Variants in PTK2B observed in about 807,000 individuals in gnomAD.
The protein encoded by PTK2B is protein-tyrosine kinase 2-beta.
A neutral mutation model predicts 142.9 loss-of-function variants in PTK2B; 71 were observed. The ratio of observed to expected loss-of-function variants is 0.50; its 90% confidence interval spans 0.41 to 0.61. The LOEUF is 0.61. PTK2B is among the 20% of genes least tolerant of loss of function. The probability of loss-of-function intolerance (pLI) is 0.00; values close to 1 mark genes in which losing one functional copy is unlikely to be tolerated. For synonymous variants in PTK2B, 519 were observed against 503.4 expected (o/e 1.03, Z -0.42); for missense variants, 1,105 against 1,320.4 (o/e 0.84, Z 2.53).
chr8:27,402,995 G>C (rs191165580), intron 2 of PTK2B, among the ~76,000 whole-genome samples: 1 of 152,340 alleles, frequency 6.6e-6, no homozygotes, highest in Non-Finnish European at 1.5e-5. Flanking sequence ...GCTGTGTAGT[G>C]CCTGTGTGGG....
At chr8:27,393,304 T>C (rs919495) in intron 1 of PTK2B, among the ~76,000 whole-genome samples, 58,722 of 152,112 alleles carry the variant, frequency 0.39, 11,829 homozygotes, top group Middle Eastern at 0.5. Context: ...CCACAGCAGA[T>C]GTTTCTGCTG....
intron 1 of PTK2B, among the ~76,000 whole-genome samples, chr8:27,335,184 G>T (rs559295509): frequency 1.3e-5 from 2 of 152,284 alleles, no homozygotes; most frequent in South Asian, 4.1e-4. Context: ...GAGCTTTCTG[G>T]CCCTGGGAAG....
intron 3 of PTK2B, among the ~76,000 whole-genome samples, chr8:27,316,402 G>T (rs2130516212): frequency 6.6e-6 from 1 of 152,086 alleles, no homozygotes; most frequent in South Asian, 2.1e-4. Flanking sequence ...TGGCTATAAG[G>T]AACTTAACTT....
At chr8:27,409,542 G>A (rs562460806) in intron 2 of PTK2B, among the ~76,000 whole-genome samples, 3 of 152,138 alleles carry the variant, frequency 2.0e-5, no homozygotes, top group East Asian at 3.9e-4. Flanking sequence ...AGAGGGGATG[G>A]GACTGGAAAG....
rs373105458 is a variant in PTK2B at position 27,422,308 on chromosome 8, G to A, written c.476G>A (p.Arg159Gln). Residue 159 changes from arginine (R) to glutamine (Q), a missense_variant, in exon 5 of 31, where the codon CGG becomes CAG. Arg to Gln is a conservative substitution (Grantham distance 43, BLOSUM62 1). Transcript: ENST00000346049. The stretch of plus-strand genomic sequence containing the variant: ...CTTGACCTTTCTCCCCACCAGCTCC[G>A]GAACGACTACATGCAGCGCTACGCC... ...TTLLYFYQQL[R>Q]NDYMQRYASK... is the part of the protein sequence containing the mutation. 6.6e-5 allele frequency: 107 copies of A among 1,613,278 alleles called. No homozygotes were observed. Among genetic ancestry groups the A allele is most frequent in the South Asian group, 3.2e-4 (29 of 90,968 alleles).
Position 27,435,791 on chromosome 8 carries a change from G to T in PTK2B, c.1241G>T (p.Gly414Val), listed in dbSNP as rs41276291. The T allele has an allele frequency of 9.3e-3, 14,960 of 1,614,042 alleles. 95 individuals are homozygous for T. Among genetic ancestry groups the T allele is most frequent in the Non-Finnish European group, 0.011 (13,292 of 1,179,990 alleles). The stretch of plus-strand genomic sequence containing the variant: ...CCCGACGAAACCCTGCGAAGGCCCG[G>T]AGGTAGGTTCTCGACCCCGCCACAG... The part of the protein sequence containing the change: ...EIPDETLRRP[G>V]GPQYGIARED... The change falls in exon 14 of 31, where the codon GGA becomes GTA. Residue 414 changes from glycine (G) to valine (V), a missense_variant and splice_region_variant. Coordinates refer to ENST00000346049, the MANE Select transcript of PTK2B (RefSeq NM_173176.3).
upstream of PTK2B, among the ~76,000 whole-genome samples, chr8:27,324,000 C>T (rs1328135498): frequency 1.3e-5 from 2 of 152,208 alleles, no homozygotes; most frequent in East Asian, 1.9e-4. Flanking sequence ...CCTCCTAGTA[C>T]AGACTCTCAA....
intron 5 of PTK2B, among the ~76,000 whole-genome samples, chr8:27,426,108 T>G (rs949120669): frequency 1.3e-5 from 2 of 152,184 alleles, no homozygotes; most frequent in African/African-American, 4.8e-5. Flanking sequence ...AGAGAATACG[T>G]AACCCCAGAT....
Position 27,453,166 on chromosome 8 carries a change from T to C in PTK2B, c.2595+6T>C, listed in dbSNP as rs748041971. 1.2e-6 allele frequency: 2 copies of C among 1,614,132 alleles called. No homozygotes were observed. The highest frequency in any genetic ancestry group is 1.7e-6 in the Non-Finnish European group (2 of 1,180,008). On this transcript the variant is annotated splice_donor_region_variant and intron_variant, in intron 28 of 30. Coordinates refer to ENST00000346049, the MANE Select transcript of PTK2B (RefSeq NM_173176.3). ...CCCCGAGGCTGGGCGCACAGGTATG[T>C]GTTGGCTCTGCTGAAACTGATAAAT... is the stretch of plus-strand genomic sequence containing the variant.
In PTK2B at chr8:27,397,794, T is replaced by A; in HGVS notation, c.204+6T>A. ...CTGTCCAGACGGAGATCCGGGTAAG[T>A]GTGAAGTGTCTGCCCTGTCCATCTG... On this transcript the variant is annotated splice_donor_region_variant and intron_variant, in intron 2 of 30. Transcript: ENST00000346049. 1 of 1,613,770 alleles carries A rather than the reference T, an allele frequency of 6.2e-7. No individual in the cohort carries two copies. Among genetic ancestry groups the A allele is most frequent in the Non-Finnish European group, 8.5e-7 (1 of 1,179,626 alleles).
intron 5 of PTK2B, among the ~76,000 whole-genome samples, chr8:27,422,656 G>A (rs1809835939): frequency 6.6e-6 from 1 of 152,172 alleles, no homozygotes; most frequent in Non-Finnish European, 1.5e-5. Flanking sequence ...TCTTCCATCT[G>A]TCAACCACCT....
Position 27,435,779 on chromosome 8 carries a change from T to A in PTK2B, c.1229T>A (p.Leu410Gln). 6.2e-7 allele frequency: 1 copy of A among 1,614,074 alleles called. No individual in the cohort carries two copies. The highest frequency in any genetic ancestry group is 1.3e-5 in the African/African-American group (1 of 75,040). Reference sequence around the variant, plus strand: ...TACGCAGAGATTCCCGACGAAACCCTGCGAAGGCCCGGAGGTAGGTTCTCG... The same window carrying A: ...TACGCAGAGATTCCCGACGAAACCCAGCGAAGGCCCGGAGGTAGGTTCTCG... Reference protein sequence around the residue: ...DIYAEIPDETLRRPGGPQYGI... With the variant: ...DIYAEIPDETQRRPGGPQYGI... The change falls in exon 14 of 31, where the codon CTG (leucine) becomes CAG (glutamine). Residue 410 changes from leucine (L) to glutamine (Q), a missense_variant. Leu to Gln is a moderately radical substitution (Grantham distance 113). Transcript: ENST00000346049.
At chr8:27,338,289 A>C (rs1804196499) in intron 1 of PTK2B, among the ~76,000 whole-genome samples, 1 of 152,180 alleles carries the variant, frequency 6.6e-6, no homozygotes, top group South Asian at 2.1e-4. Flanking sequence ...AACATTTAGC[A>C]CTTGAAATTT....
At chr8:27,340,221 G>T (rs1318320007) in intron 1 of PTK2B, among the ~76,000 whole-genome samples, 1 of 152,248 alleles carries the variant, frequency 6.6e-6, no homozygotes, top group Non-Finnish European at 1.5e-5. Context: ...AGTGAGACCA[G>T]ATGTTCTGCA....
At chr8:27,343,457 CCTGGGGACCCCATGTAGTCCCCAAAGCT>C (rs1804532270) in intron 1 of PTK2B, among the ~76,000 whole-genome samples, 1 of 152,220 alleles carries the variant, frequency 6.6e-6, no homozygotes, top group Admixed American at 6.5e-5. Context: ...GGTCCCCTAA[CCTGGGGACCCCATGTAGTCCCCAAAGCT>C]CTGGAGTGTT....
At chr8:27,439,943 C>T (rs1468897567) in intron 20 of PTK2B, among the ~76,000 whole-genome samples, 4 of 152,174 alleles carry the variant, frequency 2.6e-5, no homozygotes, top group Admixed American at 2.6e-4. Flanking sequence ...TGGCTCCCCT[C>T]CCTCCTAAGA....
upstream of PTK2B, among the ~76,000 whole-genome samples, chr8:27,323,598 A>G (rs17056998): frequency 0.017 from 2,568 of 152,196 alleles, 78 homozygotes; most frequent in African/African-American, 0.058. Flanking sequence ...AGGGATTTCC[A>G]TGGAATTTGA....
At chr8:27,397,352 C>T (rs1382101307) in intron 1 of PTK2B, 196 bp from the exon 2 acceptor site, 1 of 555,538 alleles carries the variant, frequency 1.8e-6, no homozygotes, top group Admixed American at 3.1e-5. Context: ...TACCTGGATG[C>T]TTCTGCAACT....
intron 5 of PTK2B, among the ~76,000 whole-genome samples, chr8:27,423,819 C>T (rs547179720): frequency 1.0e-3 from 157 of 152,160 alleles, no homozygotes; most frequent in African/African-American, 3.7e-3. Context: ...TTGGTATTAG[C>T]GACAGAATAG....
Sources: allele counts gnomAD v4.1 joint callset (sites outside exome capture counted in the v4.1 genomes callset), GRCh38; gene constraint gnomAD v4.1.1; transcripts MANE v1.5; gene names NCBI Gene and HGNC (gene_info 2026-07-23, HGNC 2026-07-21).